LIN52: variants seen among roughly 807,000 people sequenced by gnomAD.
LIN52 encodes lin-52 DREAM MuvB core complex component.
LIN52 carries 4 observed loss-of-function variants against 18.5 expected under a neutral mutation model. That is an observed-to-expected ratio of 0.22 (90% confidence interval 0.11 to 0.49). The LOEUF (loss-of-function observed/expected upper bound fraction) is 0.49, where lower values mean the gene tolerates loss of function less well. Among genes scored for constraint, LIN52 ranks in the 20% least tolerant of loss-of-function variants. The probability of loss-of-function intolerance (pLI) is 0.97; values close to 1 mark genes in which losing one functional copy is unlikely to be tolerated. For synonymous variants in LIN52, 34 were observed against 45.5 expected, an observed-to-expected ratio of 0.75 and a Z score of 1.02; for missense variants, 102 against 139.5, an observed-to-expected ratio of 0.73 and a Z score of 1.35.
At chr14:74,102,300 C>G (rs376340058) in intron 5 of LIN52, among the ~76,000 whole-genome samples, 1 of 152,208 alleles carries the variant, frequency 6.6e-6, no homozygotes, top group African/African-American at 2.4e-5. Flanking sequence ...GTCACTTCCT[C>G]AGACCTCTTT....
intron 5 of LIN52, among the ~76,000 whole-genome samples, chr14:74,158,620 A>G (rs934848082): frequency 1.3e-5 from 2 of 152,124 alleles, no homozygotes; most frequent in South Asian, 4.1e-4. Flanking sequence ...CTGGGATTAC[A>G]GGCATGTGCC....
At chr14:74,137,444 C>T (rs527420568) in intron 5 of LIN52, among the ~76,000 whole-genome samples, 1 of 150,694 alleles carries the variant, frequency 6.6e-6, no homozygotes, top group Non-Finnish European at 1.5e-5. Flanking sequence ...ATTGTAAATG[C>T]CATTACATTC....
chr14:74,143,611 G>T (rs1367397945), intron 5 of LIN52, among the ~76,000 whole-genome samples: 1 of 150,812 alleles, frequency 6.6e-6, no homozygotes, highest in Non-Finnish European at 1.5e-5. Flanking sequence ...TTACTGTGAA[G>T]TTTTTTTTTA....
At chr14:74,098,737 G>A (rs1399085075) in intron 4 of LIN52, among the ~76,000 whole-genome samples, 1 of 151,926 alleles carries the variant, frequency 6.6e-6, no homozygotes, top group Non-Finnish European at 1.5e-5. Flanking sequence ...TAGTAGAGAT[G>A]GGGTTTCACC....
At chr14:74,110,981 A>G (rs2060923208) in intron 5 of LIN52, among the ~76,000 whole-genome samples, 1 of 151,976 alleles carries the variant, frequency 6.6e-6, no homozygotes, top group African/African-American at 2.4e-5. Flanking sequence ...AAAAAAAAAG[A>G]TTAAGATGTC....
At chr14:74,112,512 A>G (rs545840012) in intron 5 of LIN52, among the ~76,000 whole-genome samples, 1 of 152,272 alleles carries the variant, frequency 6.6e-6, no homozygotes, top group Admixed American at 6.5e-5. Flanking sequence ...TCTTGTCTCA[A>G]TACTTTCCCC....
At chr14:74,122,595 G>C (rs1359822900) in intron 5 of LIN52, among the ~76,000 whole-genome samples, 1 of 152,214 alleles carries the variant, frequency 6.6e-6, no homozygotes, top group East Asian at 1.9e-4. Flanking sequence ...TCCGGGTGCA[G>C]TGGCTCACAC....
At chr14:74,143,319 G>T (rs2061140007) in intron 5 of LIN52, among the ~76,000 whole-genome samples, 1 of 152,156 alleles carries the variant, frequency 6.6e-6, no homozygotes, top group African/African-American at 2.4e-5. Context: ...AGAGGCCAAG[G>T]TGGGAGGATC....
intron 5 of LIN52, among the ~76,000 whole-genome samples, chr14:74,179,183 T>G (rs1440871845): frequency 6.6e-6 from 1 of 152,204 alleles, no homozygotes; most frequent in Non-Finnish European, 1.5e-5. Flanking sequence ...TTCTGCAGAA[T>G]TAATTATCTC....
chr14:74,120,944 G>C (rs545840077), intron 5 of LIN52, among the ~76,000 whole-genome samples: 10 of 151,996 alleles, frequency 6.6e-5, no homozygotes, highest in African/African-American at 2.4e-4. Flanking sequence ...AGGCTCAGTG[G>C]TATGCACCTG....
At chr14:74,127,750 A>T (rs1595166712) in intron 5 of LIN52, among the ~76,000 whole-genome samples, 1 of 150,202 alleles carries the variant, frequency 6.7e-6, no homozygotes, top group African/African-American at 2.4e-5. Flanking sequence ...TTTAAACTTA[A>T]TTTTTTTTTT....
intron 5 of LIN52, among the ~76,000 whole-genome samples, chr14:74,174,200 A>G (rs1471587982): frequency 6.6e-6 from 1 of 152,196 alleles, no homozygotes; most frequent in Non-Finnish European, 1.5e-5. Context: ...ATACAGTCAT[A>G]TGTTGCTTAA....
chr14:74,105,811 A>G (rs1471561866), intron 5 of LIN52, among the ~76,000 whole-genome samples: 1 of 152,190 alleles, frequency 6.6e-6, no homozygotes, highest in East Asian at 1.9e-4. Flanking sequence ...TGCAAAAAAT[A>G]TTTGTCCTCA....
chr14:74,091,488 G>T (rs1182350976), intron 2 of LIN52, among the ~76,000 whole-genome samples, 182 bp downstream of exon 2: 2 of 152,060 alleles, frequency 1.3e-5, no homozygotes, highest in Non-Finnish European at 2.9e-5. Flanking sequence ...CTGATAACAG[G>T]CTGAGCTTGT....
intron 5 of LIN52, among the ~76,000 whole-genome samples, chr14:74,134,897 C>CT (rs2061088954): frequency 6.6e-6 from 1 of 152,072 alleles, no homozygotes; most frequent in South Asian, 2.1e-4. Flanking sequence ...TGTTTTCTTC[C>CT]TTATAGTAAT....
chr14:74,174,506 G>C (rs1024978608), intron 5 of LIN52: 2 of 152,272 alleles, frequency 1.3e-5, no homozygotes, highest in African/African-American at 4.8e-5. Context: ...GGAGGCTATT[G>C]GGGGGGAGGA....
At chr14:74,123,823 C>CA (rs770144249) in intron 5 of LIN52, among the ~76,000 whole-genome samples, 4 of 152,124 alleles carry the variant, frequency 2.6e-5, no homozygotes, top group Non-Finnish European at 5.9e-5. Flanking sequence ...AGCACATTGC[C>CA]ATGTGAGTAT....
At chr14:74,135,885 C>G (rs1163148206) in intron 5 of LIN52, among the ~76,000 whole-genome samples, 1 of 151,792 alleles carries the variant, frequency 6.6e-6, no homozygotes, top group African/African-American at 2.4e-5. Context: ...CATTCACATA[C>G]CATAAGGTTT....
chr14:74,096,898 C>T (rs1211169601), intron 3 of LIN52, among the ~76,000 whole-genome samples: 1 of 152,140 alleles, frequency 6.6e-6, no homozygotes, highest in Non-Finnish European at 1.5e-5. Flanking sequence ...AGGTGATTCT[C>T]GTGTGCAACT....
Sources: allele counts gnomAD v4.1 joint callset (sites outside exome capture counted in the v4.1 genomes callset), GRCh38; gene constraint gnomAD v4.1.1; transcripts MANE v1.5; gene names NCBI Gene and HGNC (gene_info 2026-07-23, HGNC 2026-07-21).